Variants in TSPAN5 observed in about 807,000 individuals in gnomAD.
TSPAN5 encodes tetraspanin 5.
Under a neutral mutation model 37.1 loss-of-function variants are expected in TSPAN5, and 10 were observed. The observed-to-expected ratio is 0.27, with a 90% CI of 0.17 to 0.46. The LOEUF is 0.46. Ranked by LOEUF, TSPAN5 falls within the 20% of genes least tolerant of loss-of-function variation. The pLI is 1.00. For synonymous variants in TSPAN5, 110 were observed against 118.9 expected (o/e 0.93, Z 0.48); for missense variants, 195 against 326.6 (o/e 0.60, Z 3.11).
intron 1 of TSPAN5, among the ~76,000 whole-genome samples, chr4:98,577,612 C>T (rs1349518602): frequency 6.6e-6 from 1 of 152,198 alleles, no homozygotes; most frequent in African/African-American, 2.4e-5. Flanking sequence ...ACAAAAGTGT[C>T]AGCAAGTAGA....
At chr4:98,489,665 T>A (rs1753044901) in intron 2 of TSPAN5, among the ~76,000 whole-genome samples, 1 of 152,098 alleles carries the variant, frequency 6.6e-6, no homozygotes, top group Admixed American at 6.5e-5. Flanking sequence ...GTGCTCCTGA[T>A]CCAGCGAGGT....
At chr4:98,624,553 A>C (rs1318704314) in intron 1 of TSPAN5, among the ~76,000 whole-genome samples, 1 of 152,132 alleles carries the variant, frequency 6.6e-6, no homozygotes, top group Non-Finnish European at 1.5e-5. Context: ...AGGAGGTGTA[A>C]AATTTTAGAT....
intron 1 of TSPAN5, among the ~76,000 whole-genome samples, chr4:98,587,895 GCAACAACAA>G (rs147808702): frequency 6.6e-6 from 1 of 151,318 alleles, no homozygotes; most frequent in Non-Finnish European, 1.5e-5. Flanking sequence ...CTCAAAAACA[GCAACAACAA>G]CAACAACAAC....
At chr4:98,497,612 C>A (rs1387107685) in intron 2 of TSPAN5, among the ~76,000 whole-genome samples, 1 of 152,218 alleles carries the variant, frequency 6.6e-6, no homozygotes, top group Non-Finnish European at 1.5e-5. Context: ...CGGCAGGTGA[C>A]CCTCTATTCT....
intron 1 of TSPAN5, among the ~76,000 whole-genome samples, chr4:98,629,283 T>A (rs1349526858): frequency 6.6e-6 from 1 of 152,184 alleles, no homozygotes; most frequent in Non-Finnish European, 1.5e-5. Flanking sequence ...ACAACCAAGA[T>A]TGCAGGCAAG....
intron 1 of TSPAN5, among the ~76,000 whole-genome samples, chr4:98,628,790 T>C (rs1756667425): frequency 6.6e-6 from 1 of 152,196 alleles, no homozygotes; most frequent in Non-Finnish European, 1.5e-5. Context: ...CTACTCAACT[T>C]GCTGATATAT....
intron 1 of TSPAN5, among the ~76,000 whole-genome samples, chr4:98,557,220 A>G (rs1754770923): frequency 6.6e-6 from 1 of 152,252 alleles, no homozygotes; most frequent in Non-Finnish European, 1.5e-5. Flanking sequence ...TACACACTGT[A>G]TAGTAACATA....
chr4:98,521,999 G>A (rs957555885), intron 1 of TSPAN5, among the ~76,000 whole-genome samples: 5 of 152,120 alleles, frequency 3.3e-5, no homozygotes, highest in African/African-American at 1.2e-4. Context: ...TAATTTAACT[G>A]TAAATATTAA....
chr4:98,627,324 A>T lies in TSPAN5; in HGVS notation c.81+30822T>A, dbSNP rs572413868. 1.7e-3 allele frequency among the ~76,000 whole-genome samples: 253 copies of T among 152,214 alleles called. 1 individual carries two copies. In the Middle Eastern group the frequency reaches 0.034, roughly 20 times the overall value. ...GACGTTACTGGGATAACTGGAGAAAACTGAAGGGATTTTATCAGTGAAGGT... is the reference window on the plus strand; with the variant it reads ...GACGTTACTGGGATAACTGGAGAAATCTGAAGGGATTTTATCAGTGAAGGT... On this transcript the variant is annotated intron_variant, in intron 1 of 7. Transcript: ENST00000305798.
chr4:98,585,178 T>C (rs1755458974), intron 1 of TSPAN5, among the ~76,000 whole-genome samples: 2 of 152,212 alleles, frequency 1.3e-5, no homozygotes, highest in South Asian at 4.1e-4. Context: ...TTTTCTGGTG[T>C]GCATATATTG....
At chr4:98,617,050 C>T (rs953082361) in intron 1 of TSPAN5, among the ~76,000 whole-genome samples, 11 of 152,014 alleles carry the variant, frequency 7.2e-5, no homozygotes, top group Non-Finnish European at 1.3e-4. Context: ...GTCTTGAACT[C>T]CTGAGCTCAA....
intron 1 of TSPAN5, among the ~76,000 whole-genome samples, chr4:98,565,290 A>G (rs1754977782): frequency 1.3e-5 from 2 of 152,210 alleles, no homozygotes. Flanking sequence ...TAAATTTTCA[A>G]CTTATACTTG....
intron 1 of TSPAN5, among the ~76,000 whole-genome samples, chr4:98,561,344 G>T (rs555142194): frequency 6.6e-6 from 1 of 152,252 alleles, no homozygotes; most frequent in East Asian, 1.9e-4. Context: ...GAGGTCGGGA[G>T]TTCAAGACCA....
intron 2 of TSPAN5, among the ~76,000 whole-genome samples, chr4:98,495,379 A>G (rs934862383): frequency 6.6e-6 from 1 of 152,096 alleles, no homozygotes; most frequent in Non-Finnish European, 1.5e-5. Flanking sequence ...AATACAAAAA[A>G]TTAGCCAGGT....
intron 1 of TSPAN5, among the ~76,000 whole-genome samples, chr4:98,594,265 C>T (rs1755715502): frequency 7.9e-6 from 1 of 126,604 alleles, no homozygotes; most frequent in South Asian, 2.5e-4. Flanking sequence ...TATAAGAATG[C>T]TTGTGATTTT....
chr4:98,568,331 A>G (rs1225112617), intron 1 of TSPAN5, among the ~76,000 whole-genome samples: 1 of 152,206 alleles, frequency 6.6e-6, no homozygotes. Flanking sequence ...TCAAGAGGTC[A>G]GGAGATCGAG....
chr4:98,578,881 C>A (rs910087965), intron 1 of TSPAN5, among the ~76,000 whole-genome samples: 9 of 152,106 alleles, frequency 5.9e-5, no homozygotes, highest in Non-Finnish European at 1.2e-4. Flanking sequence ...ACATATGACA[C>A]CTCCCTAAAG....
At chr4:98,579,900 T>C (rs1481668898) in intron 1 of TSPAN5, among the ~76,000 whole-genome samples, 1 of 152,212 alleles carries the variant, frequency 6.6e-6, no homozygotes, top group Non-Finnish European at 1.5e-5. Context: ...TCATATTAGA[T>C]GCTGAATAGA....
chr4:98,509,673 C>T (rs1753562927), intron 1 of TSPAN5: 1 of 152,144 alleles, frequency 6.6e-6, no homozygotes, highest in African/African-American at 2.4e-5. Context: ...CGTGCTCAGC[C>T]CTGGTCAGAG....
Sources: allele counts gnomAD v4.1 joint callset (sites outside exome capture counted in the v4.1 genomes callset), GRCh38; gene constraint gnomAD v4.1.1; transcripts MANE v1.5; gene names NCBI Gene and HGNC (gene_info 2026-07-23, HGNC 2026-07-21).